BRINP1: variants seen among roughly 807,000 people sequenced by gnomAD.
The protein encoded by BRINP1 is BMP/retinoic acid inducible neural specific 1, also known as BMP/retinoic acid-inducible neural-specific protein 1.
A neutral mutation model predicts 72.9 loss-of-function variants in BRINP1; 17 were observed. The ratio of observed to expected loss-of-function variants is 0.23; its 90% CI spans 0.16 to 0.35. The LOEUF (loss-of-function observed/expected upper bound fraction) is 0.35, where lower values mean the gene tolerates loss of function less well. Among genes scored for constraint, BRINP1 ranks in the 10% least tolerant of loss-of-function variants. The pLI is 1.00. For synonymous variants in BRINP1, 418 were observed against 378.5 expected, an observed-to-expected ratio of 1.10 and a Z score of -1.21; for missense variants, 850 against 1,001.6, an observed-to-expected ratio of 0.85 and a Z score of 2.04.
At chr9:119,210,113 G>A (rs1008787110) in intron 6 of BRINP1, among the ~76,000 whole-genome samples, 7 of 152,276 alleles carry the variant, frequency 4.6e-5, no homozygotes, top group East Asian at 1.9e-4. Context: ...TAAAGGTAAC[G>A]TGGCTGATAA....
intron 2 of BRINP1, among the ~76,000 whole-genome samples, chr9:119,286,568 T>G (rs556568440): frequency 6.6e-6 from 1 of 152,330 alleles, no homozygotes; most frequent in Admixed American, 6.5e-5. Context: ...GTAACAAATT[T>G]AACATGTGTC....
At chr9:119,169,423 G>A (rs935204892) in intron 7 of BRINP1, among the ~76,000 whole-genome samples, 3 of 152,292 alleles carry the variant, frequency 2.0e-5, no homozygotes, top group East Asian at 1.9e-4. Context: ...CTTTTCCGGC[G>A]GGCTTAAAAA....
intron 7 of BRINP1, among the ~76,000 whole-genome samples, chr9:119,204,722 A>G (rs1043105062): frequency 6.6e-6 from 1 of 152,136 alleles, no homozygotes; most frequent in African/African-American, 2.4e-5. Context: ...GGTTATTTAA[A>G]TTTTAAAATC....
intron 2 of BRINP1, among the ~76,000 whole-genome samples, chr9:119,285,179 C>A (rs1416935918): frequency 3.5e-5 from 5 of 142,106 alleles, no homozygotes; most frequent in Admixed American, 2.2e-4. Flanking sequence ...CCTTCGCATA[C>A]TAATCAAGTT....
chr9:119,282,869 G>T (rs1421238483), intron 2 of BRINP1: 1 of 985,164 alleles, frequency 1.0e-6, no homozygotes, highest in Non-Finnish European at 1.2e-6. Flanking sequence ...TACCTCTTAC[G>T]GTTGCGCTTT....
At chr9:119,187,232 C>T (rs1490600870) in intron 7 of BRINP1, among the ~76,000 whole-genome samples, 1 of 151,866 alleles carries the variant, frequency 6.6e-6, no homozygotes, top group Non-Finnish European at 1.5e-5. Context: ...ACTCTAAGCA[C>T]CTGTGTCCTG....
intron 3 of BRINP1, among the ~76,000 whole-genome samples, chr9:119,246,387 T>C (rs1830316786): frequency 6.6e-6 from 1 of 152,208 alleles, no homozygotes; most frequent in Admixed American, 6.5e-5. Context: ...AAGACTAGAC[T>C]GGCTTAGCCT....
intron 7 of BRINP1, among the ~76,000 whole-genome samples, chr9:119,170,544 T>C (rs1047445655): frequency 1.3e-5 from 2 of 152,116 alleles, no homozygotes; most frequent in Admixed American, 6.5e-5. Context: ...GGAAACAAGT[T>C]GGAAAGCACT....
chr9:119,237,918 C>T (rs1482657609), intron 5 of BRINP1, among the ~76,000 whole-genome samples: 2 of 152,178 alleles, frequency 1.3e-5, no homozygotes, highest in African/African-American at 4.8e-5. Flanking sequence ...CCTCAGCCTC[C>T]CAAAGTGCTG....
At chr9:119,245,418 C>T (rs1163903254) in intron 3 of BRINP1, among the ~76,000 whole-genome samples, 2 of 152,188 alleles carry the variant, frequency 1.3e-5, no homozygotes, top group Admixed American at 1.3e-4. Context: ...CTTAACCACA[C>T]GTGTCACACA....
At chr9:119,264,145 G>A (rs1293199741) in intron 2 of BRINP1, among the ~76,000 whole-genome samples, 1 of 152,206 alleles carries the variant, frequency 6.6e-6, no homozygotes, top group Non-Finnish European at 1.5e-5. Context: ...GTAGGCAGAG[G>A]TGGCAATTAA....
chr9:119,215,289 G>A (rs1829966722), intron 5 of BRINP1, among the ~76,000 whole-genome samples: 1 of 152,162 alleles, frequency 6.6e-6, no homozygotes, highest in African/African-American at 2.4e-5. Context: ...TGATAGAGAA[G>A]GATTTATTTG....
chr9:119,341,747 A>G (rs1419905750), intron 1 of BRINP1, among the ~76,000 whole-genome samples: 1 of 152,162 alleles, frequency 6.6e-6, no homozygotes, highest in East Asian at 1.9e-4. Context: ...CGCCATTATA[A>G]GTCCAAGAGC....
chr9:119,179,095 G>A (rs111526548), intron 7 of BRINP1, among the ~76,000 whole-genome samples: 3 of 152,132 alleles, frequency 2.0e-5, no homozygotes, highest in African/African-American at 7.2e-5. Context: ...GTTGGTGATA[G>A]CCTTCCTCAA....
intron 2 of BRINP1, among the ~76,000 whole-genome samples, chr9:119,307,841 G>A (rs1257298457): frequency 6.6e-6 from 1 of 152,200 alleles, no homozygotes; most frequent in African/African-American, 2.4e-5. Flanking sequence ...AAGAAGTCCT[G>A]TGTAACTTTG....
At chr9:119,344,351 C>G (rs559949076) in intron 1 of BRINP1, among the ~76,000 whole-genome samples, 17 of 152,168 alleles carry the variant, frequency 1.1e-4, no homozygotes, top group Non-Finnish European at 2.4e-4. Context: ...CACACATAGT[C>G]TAGCACTCTC....
At chr9:119,317,626 A>T (rs1831138073) in intron 1 of BRINP1, among the ~76,000 whole-genome samples, 1 of 152,204 alleles carries the variant, frequency 6.6e-6, no homozygotes, top group Non-Finnish European at 1.5e-5. Context: ...AAACAGTTCT[A>T]CCTTACGTAA....
At chr9:119,218,694 T>C (rs1021391166) in intron 5 of BRINP1, among the ~76,000 whole-genome samples, 1 of 150,944 alleles carries the variant, frequency 6.6e-6, no homozygotes, top group Non-Finnish European at 1.5e-5. Flanking sequence ...CTGTGGTGGC[T>C]CCAGCACAGT....
chr9:119,211,350 G>A (rs976253809), intron 6 of BRINP1, among the ~76,000 whole-genome samples: 11 of 151,922 alleles, frequency 7.2e-5, no homozygotes, highest in Middle Eastern at 3.2e-3. Context: ...GGCATGTGCC[G>A]CCACACCCGG....
Sources: allele counts gnomAD v4.1 joint callset (sites outside exome capture counted in the v4.1 genomes callset), GRCh38; gene constraint gnomAD v4.1.1; transcripts MANE v1.5; gene names NCBI Gene and HGNC (gene_info 2026-07-23, HGNC 2026-07-21).